Variants in GRB2 observed in about 807,000 individuals in gnomAD.
The protein encoded by GRB2 is growth factor receptor-bound protein 2.
A neutral mutation model predicts 27.4 loss-of-function variants in GRB2; 2 were observed. The observed-to-expected ratio is 0.07, with a 90% CI of 0.03 to 0.23. The LOEUF is 0.23. GRB2 is among the 10% of genes least tolerant of loss of function. The pLI, the probability that GRB2 is intolerant of heterozygous loss-of-function variation, is 1.00. For synonymous variants in GRB2, 94 were observed against 99.6 expected, an observed-to-expected ratio of 0.94 and a Z score of 0.33; for missense variants, 102 against 282.4, an observed-to-expected ratio of 0.36 and a Z score of 4.58.
intron 2 of GRB2, chr17:75,371,811 A>C (rs769902188): frequency 6.6e-6 from 1 of 151,980 alleles, no homozygotes; most frequent in Non-Finnish European, 1.5e-5. Context: ...TTTTGTTTAA[A>C]TATAGAAAGT....
chr17:75,323,090 G>T (rs1239127233), intron 4 of GRB2, among the ~76,000 whole-genome samples: 1 of 144,864 alleles, frequency 6.9e-6, no homozygotes, highest in Non-Finnish European at 1.5e-5. Context: ...CTGTACTCCA[G>T]CCTGTGCGAC....
At chr17:75,352,963 A>T (rs1388347487) in intron 2 of GRB2, among the ~76,000 whole-genome samples, 1 of 150,300 alleles carries the variant, frequency 6.7e-6, no homozygotes, top group Non-Finnish European at 1.5e-5. Context: ...AGGTGGGTGG[A>T]TCAGAAGGTC....
In GRB2 at chr17:75,360,066, G is replaced by A. The variant is rs191000170; in HGVS notation, c.79-27269C>T. On this transcript the variant is annotated intron_variant, in intron 2 of 5. Coordinates refer to ENST00000316804, the MANE Select transcript of GRB2 (RefSeq NM_002086.5). ...GAAGGCTGAGGTGGGAGGATTGCTT[G>A]AGGCCAGGGGTTAGAGACCAGCCTG... is the stretch of plus-strand genomic sequence containing the variant. Among the ~76,000 whole-genome samples, 184 of 151,410 alleles carry A rather than the reference G, an allele frequency of 1.2e-3. No homozygotes were observed. In the Middle Eastern group the frequency reaches 0.014, roughly 12 times the overall value.
At chr17:75,339,034 C>T in intron 2 of GRB2, 5 of 1,263,982 alleles carry the variant, frequency 4.0e-6, no homozygotes, top group Non-Finnish European at 5.8e-6. Context: ...TGTGCTAAGG[C>T]TTGAGTGCGT....
chr17:75,390,922 T>A (rs2078994377), intron 2 of GRB2, among the ~76,000 whole-genome samples: 1 of 152,228 alleles, frequency 6.6e-6, no homozygotes, highest in Non-Finnish European at 1.5e-5. Flanking sequence ...TCAATGCTAT[T>A]CCAGCAACTT....
At chr17:75,367,013 C>A (rs1364009763) in intron 2 of GRB2, among the ~76,000 whole-genome samples, 1 of 152,084 alleles carries the variant, frequency 6.6e-6, no homozygotes, top group Non-Finnish European at 1.5e-5. Context: ...GAGGGTCTTA[C>A]AATTTAGATG....
chr17:75,335,571 C>A (rs565463413), intron 2 of GRB2, among the ~76,000 whole-genome samples: 9 of 152,076 alleles, frequency 5.9e-5, no homozygotes, highest in Non-Finnish European at 1.2e-4. Context: ...AGAGGGTATG[C>A]CCTGCAGAGC....
chr17:75,374,037 C>T (rs1035710240), intron 2 of GRB2, among the ~76,000 whole-genome samples: 8 of 151,586 alleles, frequency 5.3e-5, no homozygotes, highest in Non-Finnish European at 1.2e-4. Context: ...CCTCACGATC[C>T]GCCCACCTCA....
At position 75,360,540 on chromosome 17, in the gene GRB2, G is replaced by T. The variant is rs2078773090; in HGVS notation, c.79-27743C>A. Among the ~76,000 whole-genome samples, 3 of 152,180 alleles carry T rather than the reference G, an allele frequency of 2.0e-5. No individual in the cohort carries two copies. The South Asian group carries it at 6.2e-4, about 32-fold the overall frequency. On this transcript the variant is annotated intron_variant, in intron 2 of 5. Transcript: ENST00000316804. ...GTAATCCCCTACTGATTCAACTGAG[G>T]TCAAACTCAACACTAGTTCACACAG...
At chr17:75,379,691 G>A (rs1598248380) in intron 2 of GRB2, among the ~76,000 whole-genome samples, 4 of 152,160 alleles carry the variant, frequency 2.6e-5, no homozygotes, top group Admixed American at 6.5e-5. Context: ...ACCACACCTG[G>A]TCACTTGATT....
chr17:75,324,232 C>G (rs1049379802), intron 4 of GRB2, among the ~76,000 whole-genome samples: 1 of 152,066 alleles, frequency 6.6e-6, no homozygotes, highest in Non-Finnish European at 1.5e-5. Context: ...CACAGTCTTA[C>G]TCTGTCACTC....
chr17:75,357,147 C>G (rs2078738876), intron 2 of GRB2, among the ~76,000 whole-genome samples: 1 of 152,184 alleles, frequency 6.6e-6, no homozygotes, highest in Non-Finnish European at 1.5e-5. Flanking sequence ...AATCCTGCAA[C>G]CAGAATTAGC....
At chr17:75,327,559 C>T (rs984602078) in intron 3 of GRB2, among the ~76,000 whole-genome samples, 3 of 150,022 alleles carry the variant, frequency 2.0e-5, no homozygotes, top group South Asian at 2.1e-4. Context: ...TTAATAGAGA[C>T]GGGGTTTCAC....
At chr17:75,377,446 T>A (rs2078901331) in intron 2 of GRB2, among the ~76,000 whole-genome samples, 4 of 151,112 alleles carry the variant, frequency 2.6e-5, no homozygotes, top group Admixed American at 2.6e-4. Flanking sequence ...CATGGCGGGA[T>A]CTTGTTTCTA....
intron 2 of GRB2, among the ~76,000 whole-genome samples, chr17:75,334,343 T>C (rs570236480): frequency 1.3e-5 from 2 of 151,986 alleles, no homozygotes; most frequent in Non-Finnish European, 2.9e-5. Context: ...GCTAATTTTT[T>C]GTATTTTTTA....
chr17:75,405,065 G>A (rs2079090406), intron 1 of GRB2: 2 of 152,212 alleles, frequency 1.3e-5, no homozygotes, highest in South Asian at 4.1e-4. Flanking sequence ...AAGACGCCAG[G>A]AGATGGTGAC....
intron 2 of GRB2, among the ~76,000 whole-genome samples, chr17:75,354,344 C>T (rs1286214457): frequency 4.0e-5 from 6 of 150,074 alleles, no homozygotes; most frequent in Admixed American, 3.3e-4. Flanking sequence ...ACTGCAACAA[C>T]CTCCACTTCC....
intron 2 of GRB2, among the ~76,000 whole-genome samples, chr17:75,384,544 C>A (rs754517126): frequency 1.6e-4 from 24 of 152,004 alleles, no homozygotes; most frequent in Non-Finnish European, 2.9e-4. Context: ...GTGGCACATG[C>A]CTATAATCCC....
intron 2 of GRB2, among the ~76,000 whole-genome samples, chr17:75,353,577 C>T (rs909936703): frequency 4.7e-5 from 7 of 150,402 alleles, no homozygotes; most frequent in African/African-American, 1.2e-4. Flanking sequence ...CCTGACAACA[C>T]GGTGAAACCC....
Sources: allele counts gnomAD v4.1 joint callset (sites outside exome capture counted in the v4.1 genomes callset), GRCh38; gene constraint gnomAD v4.1.1; transcripts MANE v1.5; gene names NCBI Gene and HGNC (gene_info 2026-07-23, HGNC 2026-07-21).